Variants in ITSN2 observed in about 807,000 individuals in gnomAD.
ITSN2 encodes the protein intersectin-2.
ITSN2 carries 156 observed loss-of-function variants against 243.7 expected under a neutral mutation model. The ratio of observed to expected loss-of-function variants is 0.64; its 90% CI spans 0.56 to 0.73. The LOEUF is 0.73. ITSN2 is among the 30% of genes least tolerant of loss of function. ITSN2 has a pLI of 0.00. For synonymous variants in ITSN2, 703 were observed against 699.9 expected, an observed-to-expected ratio of 1.00 and a Z score of -0.07; for missense variants, 1,801 against 1,996.1, an observed-to-expected ratio of 0.90 and a Z score of 1.86.
intron 22 of ITSN2, among the ~76,000 whole-genome samples, chr2:24,259,972 A>T (rs1675596553): frequency 6.6e-6 from 1 of 152,164 alleles, no homozygotes; most frequent in Non-Finnish European, 1.5e-5. Context: ...CCCAGGCTGG[A>T]GTACAGTGAT....
chr2:24,220,571 G>T, intron 30 of ITSN2: 3 of 1,071,068 alleles, frequency 2.8e-6, no homozygotes, highest in Non-Finnish European at 3.4e-6. Flanking sequence ...TGTTAAAACA[G>T]ATATTAGGCA....
chr2:24,264,106 A>T lies in ITSN2; in HGVS notation c.2356-2364T>A, dbSNP rs114550931. ...AGAACTGTTTTCCTCAAAAAGAAAC[A>T]CTAGGCTGGGCACGGTGGCTCATGC... On this transcript the variant is annotated intron_variant, in intron 20 of 39. Transcript: ENST00000355123. Among the ~76,000 whole-genome samples, 338 of 152,298 alleles carry T rather than the reference A, an allele frequency of 2.2e-3. 2 individuals carry two copies. Among genetic ancestry groups the T allele is most frequent in the Non-Finnish European group, 3.5e-3 (238 of 68,016 alleles).
At chr2:24,222,051 G>A (rs370699613) in intron 29 of ITSN2, among the ~76,000 whole-genome samples, 2 of 152,118 alleles carry the variant, frequency 1.3e-5, no homozygotes, top group Non-Finnish European at 2.9e-5. Context: ...AGGAGATCGA[G>A]ACCATCCTGG....
intron 15 of ITSN2, among the ~76,000 whole-genome samples, chr2:24,291,595 T>C (rs1680264952): frequency 6.6e-6 from 1 of 151,726 alleles, no homozygotes; most frequent in African/African-American, 2.4e-5. Flanking sequence ...GTTCAAGTGA[T>C]TCTCCTGCCT....
At chr2:24,238,922 A>C (rs549665112) in intron 29 of ITSN2, 1 of 152,350 alleles carries the variant, frequency 6.6e-6, no homozygotes, top group South Asian at 2.1e-4. Flanking sequence ...AGAAATACAC[A>C]ATACAACTAA....
chr2:24,340,468 G>T (rs998001591), intron 1 of ITSN2, among the ~76,000 whole-genome samples: 1 of 149,446 alleles, frequency 6.7e-6, no homozygotes, highest in East Asian at 2.0e-4. Context: ...GTGACAGAAC[G>T]AAACTCCATC....
intron 13 of ITSN2, among the ~76,000 whole-genome samples, chr2:24,296,968 T>C (rs1463524544): frequency 6.6e-6 from 1 of 152,198 alleles, no homozygotes; most frequent in African/African-American, 2.4e-5. Context: ...CTGTGCTTCA[T>C]GTGTTGCACC....
intron 1 of ITSN2, among the ~76,000 whole-genome samples, chr2:24,332,789 G>C (rs1685930857): frequency 6.6e-6 from 1 of 152,156 alleles, no homozygotes; most frequent in African/African-American, 2.4e-5. Flanking sequence ...AAATGCAACA[G>C]ATACCAAAAA....
rs189545182 is a variant in ITSN2 at position 24,282,051 on chromosome 2, T to C, written c.1944+2712A>G. ...CTGGCTAGGGCTTCAGCCTCGGGCC[T>C]ATGCCCATGAACCTAGGTGAGGACA... On this transcript the variant is annotated intron_variant, in intron 17 of 39. Coordinates refer to ENST00000355123, the MANE Select transcript of ITSN2 (RefSeq NM_006277.3). 2.7e-3 allele frequency among the ~76,000 whole-genome samples: 411 copies of C among 152,382 alleles called. 4 individuals carry two copies. The highest frequency in any genetic ancestry group is 9.1e-3 in the African/African-American group (377 of 41,600).
At chr2:24,353,591 GACAAA>G (rs756317591) in intron 1 of ITSN2, among the ~76,000 whole-genome samples, 3 of 152,210 alleles carry the variant, frequency 2.0e-5, no homozygotes, top group Admixed American at 6.5e-5. Context: ...CTGTCTCAAA[GACAAA>G]ACAAAACAAA....
chr2:24,356,956 T>C (rs1688504466), intron 1 of ITSN2, among the ~76,000 whole-genome samples: 1 of 151,816 alleles, frequency 6.6e-6, no homozygotes, highest in Non-Finnish European at 1.5e-5. Flanking sequence ...GAATGGTGAT[T>C]ATTAAAAAGT....
intron 2 of ITSN2, among the ~76,000 whole-genome samples, chr2:24,325,240 T>C (rs1289887149): frequency 5.3e-5 from 8 of 151,794 alleles, no homozygotes; most frequent in African/African-American, 1.9e-4. Flanking sequence ...GAGACCCCCA[T>C]GTCTACAAAA....
chr2:24,209,258 G>A (rs1669237709), intron 35 of ITSN2, 37 bp from the exon 36 acceptor site: 1 of 1,609,100 alleles, frequency 6.2e-7, no homozygotes, highest in Non-Finnish European at 8.5e-7. Context: ...GCTGTGAGAT[G>A]GGCTAGAACA....
At chr2:24,212,268 G>A (rs914932164) in intron 33 of ITSN2, among the ~76,000 whole-genome samples, 17 of 152,160 alleles carry the variant, frequency 1.1e-4, no homozygotes, top group African/African-American at 4.1e-4. Context: ...GATCTCAGAG[G>A]AAAGACTGGA....
rs1341900537 is a variant in ITSN2 at position 24,315,323 on chromosome 2, GTATTTAA to G, written c.32-106_32-100del. 6 of 640,916 alleles carry G rather than the reference GTATTTAA, an allele frequency of 9.4e-6. No individual in the cohort carries two copies. In the East Asian group the frequency reaches 1.7e-4, roughly 18 times the overall value. 39.7% of individuals were successfully genotyped at this position (640,916 alleles called of 1,614,324 possible). On this transcript the variant is annotated intron_variant, in intron 2 of 39. Transcript: ENST00000355123. Reference sequence around the variant, plus strand: ...AATCACAAGTGTTCATTGTATGACAGTATTTAATATTTGAGTGACACAAAGAGTAGAG... The same window carrying G: ...AATCACAAGTGTTCATTGTATGACAGTATTTGAGTGACACAAAGAGTAGAG...
chr2:24,296,338 T>C (rs1238455105), intron 13 of ITSN2, among the ~76,000 whole-genome samples: 1 of 152,174 alleles, frequency 6.6e-6, no homozygotes, highest in Non-Finnish European at 1.5e-5. Context: ...AGATTCTCAA[T>C]GGGACCTAAG....
chr2:24,207,889 A>C (rs1042916940), intron 37 of ITSN2, among the ~76,000 whole-genome samples: 15 of 151,674 alleles, frequency 9.9e-5, no homozygotes, highest in African/African-American at 3.4e-4. Flanking sequence ...CAGGAGCTGA[A>C]GGGAGACAGA....
chr2:24,341,737 A>G lies in ITSN2; in HGVS notation c.-33-13622T>C, dbSNP rs181779783. Among the ~76,000 whole-genome samples the G allele has an allele frequency of 2.0e-5, 3 of 152,200 alleles. No homozygotes were observed. In the East Asian group the frequency reaches 5.8e-4, roughly 29 times the overall value. ...TTAAAAATACAAAAATGCGCCGGGC[A>G]TGGTGGTGAGTGCCTGTGAGGCGGG... is the stretch of plus-strand genomic sequence containing the variant. On this transcript the variant is annotated intron_variant, in intron 1 of 39. Transcript: ENST00000355123.
intron 8 of ITSN2, among the ~76,000 whole-genome samples, chr2:24,307,675 A>G (rs894051881): frequency 1.3e-5 from 2 of 152,086 alleles, no homozygotes; most frequent in Admixed American, 1.3e-4. Flanking sequence ...AATACTGTAT[A>G]TTTTTGCTTG....
Sources: gnomAD v4.1 joint callset for allele counts (sites outside exome capture counted in the v4.1 genomes callset) on GRCh38, gnomAD v4.1.1 for gene constraint, MANE v1.5 for transcripts, NCBI Gene and HGNC (gene_info 2026-07-23, HGNC 2026-07-21) for gene names.